KIF6: variants seen among roughly 807,000 people sequenced by gnomAD.
KIF6 encodes kinesin family member 6.
KIF6 carries 106 observed loss-of-function variants against 112.7 expected under a neutral mutation model. The ratio of observed to expected loss-of-function variants is 0.94; its 90% CI spans 0.80 to 1.11. KIF6 has a LOEUF of 1.11. Among genes scored for constraint, KIF6 ranks in the 50% least tolerant of loss-of-function variants. The pLI is 0.00. For missense variants in KIF6, 929 were observed against 964.0 expected (o/e 0.96, Z 0.48); for synonymous variants, 339 against 339.9 (o/e 1.00, Z 0.03).
At chr6:39,540,928 A>G (rs1213099330) in intron 12 of KIF6, among the ~76,000 whole-genome samples, 3 of 152,098 alleles carry the variant, frequency 2.0e-5, no homozygotes, top group Non-Finnish European at 4.4e-5. Context: ...ACTCCCCTCT[A>G]CCCTACTTCA....
chr6:39,587,348 GGT>G (rs1339202314), intron 7 of KIF6, among the ~76,000 whole-genome samples: 1 of 152,104 alleles, frequency 6.6e-6, no homozygotes, highest in African/African-American at 2.4e-5. Flanking sequence ...CCTCCTTCCA[GGT>G]GTGTGATTTC....
At chr6:39,493,545 G>A (rs1397851051) in intron 13 of KIF6, among the ~76,000 whole-genome samples, 2 of 152,206 alleles carry the variant, frequency 1.3e-5, no homozygotes, top group South Asian at 2.1e-4. Context: ...CCAGTCTACT[G>A]AGTCCCTTCT....
At chr6:39,634,727 T>C in intron 5 of KIF6, 122 bp downstream of exon 5, 1 of 704,736 alleles carries the variant, frequency 1.4e-6, no homozygotes, top group South Asian at 1.6e-5. Context: ...TACAAAAAGA[T>C]ACGGTTATCC....
intron 19 of KIF6, among the ~76,000 whole-genome samples, chr6:39,349,629 C>CGCTTTTTTTTTTTTTT: frequency 1.0e-5 from 1 of 98,166 alleles, no homozygotes; most frequent in East Asian, 4.7e-4. Context: ...TAATTTGTGG[C>CGCTTTTTTTTTTTTTT]TCTTTTTTTT....
chr6:39,362,946 C>T (rs1223182505), intron 16 of KIF6, among the ~76,000 whole-genome samples: 3 of 152,064 alleles, frequency 2.0e-5, no homozygotes, highest in East Asian at 3.9e-4. Flanking sequence ...GTTAGGAGTT[C>T]GAGACTGGCC....
At chr6:39,567,091 C>T (rs1019666640) in intron 10 of KIF6, among the ~76,000 whole-genome samples, 12 of 151,998 alleles carry the variant, frequency 7.9e-5, no homozygotes, top group Admixed American at 5.9e-4. Flanking sequence ...CTTTGTTTTC[C>T]AGTAGAGAAG....
At chr6:39,690,408 C>T (rs1050018574) in intron 3 of KIF6, 1 of 152,014 alleles carries the variant, frequency 6.6e-6, no homozygotes, top group Non-Finnish European at 1.5e-5. Context: ...AATAGTAAGT[C>T]ACTGAAGGAG....
intron 13 of KIF6, among the ~76,000 whole-genome samples, chr6:39,488,167 C>T (rs924244186): frequency 2.0e-5 from 3 of 152,196 alleles, no homozygotes; most frequent in African/African-American, 7.2e-5. Flanking sequence ...AATGAGTCGA[C>T]ACTTAGTTTG....
intron 17 of KIF6, among the ~76,000 whole-genome samples, chr6:39,362,102 C>G (rs1485390876): frequency 1.3e-5 from 2 of 152,098 alleles, no homozygotes; most frequent in African/African-American, 4.8e-5. Flanking sequence ...GAGAGTATGA[C>G]GTTCTCAGGA....
intron 13 of KIF6, among the ~76,000 whole-genome samples, chr6:39,445,996 G>T (rs987687411): frequency 2.0e-5 from 3 of 152,142 alleles, no homozygotes; most frequent in Non-Finnish European, 2.9e-5. Context: ...GGCTTGTCAG[G>T]CAATTTTCCC....
rs1191414740 is a variant in KIF6 at position 39,335,346 on chromosome 6, G to A, written c.*1186C>T. On this transcript the variant is annotated 3_prime_UTR_variant, in exon 23 of 23. Transcript: ENST00000287152. ...CCTTCTAATTATATAAAATAGGGGT[G>A]TGGATTAGAGGAGCTCGATGGGCCT... 2.0e-5 allele frequency: 3 copies of A among 152,126 alleles called. No homozygotes were observed. Among genetic ancestry groups the A allele is most frequent in the Admixed American group, 6.6e-5 (1 of 15,264 alleles). The allele number at this position is 152,126 out of a possible 1,614,324, so 9.4% of individuals were successfully genotyped here.
chr6:39,535,833 T>C (rs1778387692), intron 13 of KIF6, among the ~76,000 whole-genome samples: 1 of 151,988 alleles, frequency 6.6e-6, no homozygotes, highest in Non-Finnish European at 1.5e-5. Flanking sequence ...CCTCAGCAAA[T>C]GTAAAAGAAC....
intron 3 of KIF6, among the ~76,000 whole-genome samples, chr6:39,676,817 A>C (rs1312625314): frequency 6.6e-6 from 1 of 152,076 alleles, no homozygotes; most frequent in Non-Finnish European, 1.5e-5. Flanking sequence ...CAAAACAGGC[A>C]GTAGGAAAGG....
chr6:39,676,774 A>G (rs1440085842), intron 3 of KIF6, among the ~76,000 whole-genome samples: 1 of 152,128 alleles, frequency 6.6e-6, no homozygotes, highest in Non-Finnish European at 1.5e-5. Context: ...TCAAATAATT[A>G]GCAGAGAAAA....
At chr6:39,542,258 C>A (rs995405104) in intron 12 of KIF6, among the ~76,000 whole-genome samples, 2 of 152,168 alleles carry the variant, frequency 1.3e-5, no homozygotes, top group African/African-American at 4.8e-5. Flanking sequence ...CTTCTTCTCA[C>A]CTTTCCCCTG....
Position 39,332,699 on chromosome 6 carries a change from C to G in KIF6, c.*3833G>C, listed in dbSNP as rs9369112. 0.27 allele frequency: 40,454 copies of G among 152,198 alleles called. 5,512 individuals carry two copies. Among genetic ancestry groups the G allele is most frequent in the East Asian group, 0.46 (2,395 of 5,170 alleles). 9.4% of individuals were successfully genotyped at this position (152,198 alleles called of 1,614,324 possible). A position where few individuals can be genotyped will look rare whatever the true frequency, so the allele number is the denominator to read the frequency against. Reference sequence around the variant, plus strand: ...TTCTTTCCCCTGCCTTGGGTAATTTCTTCACATGCAGATGTTGATCGGTAG... The same window carrying G: ...TTCTTTCCCCTGCCTTGGGTAATTTGTTCACATGCAGATGTTGATCGGTAG... On this transcript the variant is annotated 3_prime_UTR_variant, in exon 23 of 23. Transcript: ENST00000287152.
intron 3 of KIF6, among the ~76,000 whole-genome samples, chr6:39,713,388 G>A (rs891607673): frequency 2.6e-5 from 4 of 152,166 alleles, no homozygotes; most frequent in Non-Finnish European, 4.4e-5. Flanking sequence ...CAGTGGAGGC[G>A]AAAGCTTGAC....
At chr6:39,710,623 C>T (rs1373405585) in intron 3 of KIF6, among the ~76,000 whole-genome samples, 6 of 151,886 alleles carry the variant, frequency 4.0e-5, no homozygotes, top group African/African-American at 1.5e-4. Flanking sequence ...AAGAATTCAC[C>T]ACTGAAAAGC....
intron 18 of KIF6, among the ~76,000 whole-genome samples, chr6:39,357,956 T>G (rs1764842085): frequency 6.6e-6 from 1 of 152,258 alleles, no homozygotes; most frequent in Non-Finnish European, 1.5e-5. Flanking sequence ...TGTATTCCTT[T>G]TTAAAGATAG....
Sources: allele counts gnomAD v4.1 joint callset (sites outside exome capture counted in the v4.1 genomes callset), GRCh38; gene constraint gnomAD v4.1.1; transcripts MANE v1.5; gene names NCBI Gene and HGNC (gene_info 2026-07-23, HGNC 2026-07-21).